Variants in CWH43 observed in about 807,000 individuals in gnomAD.
CWH43 encodes cell wall biogenesis 43 C-terminal homolog.
In CWH43, 91 loss-of-function variants were observed where a neutral mutation model predicts 85.7. The observed-to-expected ratio is 1.06, with a 90% CI of 0.90 to 1.26. The LOEUF (loss-of-function observed/expected upper bound fraction) is 1.26. Among genes scored for constraint, CWH43 ranks in the 50% most tolerant of loss-of-function variants. The pLI is 0.00. For missense variants in CWH43, 869 were observed against 839.2 expected (o/e 1.04, Z -0.44); for synonymous variants, 323 against 293.6 (o/e 1.10, Z -1.02).
chr4:49,041,293 A>C (rs1362721719), intron 13 of CWH43, among the ~76,000 whole-genome samples: 1 of 152,216 alleles, frequency 6.6e-6, no homozygotes, highest in African/African-American at 2.4e-5. Flanking sequence ...AGTCATTGGT[A>C]GCCTGATGGG....
rs1380458170 is a variant in CWH43, at chr4:49,050,740, A to G, written c.1912A>G (p.Ile638Val). Reference protein sequence around the residue: ...ISHAELSDSEIQMAKFRIPDD... With the variant: ...ISHAELSDSEVQMAKFRIPDD... Reference sequence around the variant, plus strand: ...CCATGCTGAACTGAGTGATTCAGAAATTCAGATGGCAAAATTTAGGATCCC... The same window carrying G: ...CCATGCTGAACTGAGTGATTCAGAAGTTCAGATGGCAAAATTTAGGATCCC... The change falls in exon 15 of 16, where the codon ATT becomes GTT. Residue 638 changes from isoleucine to valine, a missense_variant. This residue lies in a region of CWH43 where 577 missense variants were observed against 513.1 expected (regional missense o/e 1.12). Transcript: ENST00000226432. 2 of 1,613,310 alleles carry G rather than the reference A, an allele frequency of 1.2e-6. No homozygotes were observed. Among genetic ancestry groups the G allele is most frequent in the African/African-American group, 2.7e-5 (2 of 75,024 alleles).
rs115091742 is a variant in CWH43, at chr4:49,022,870, A to G, written c.1266+5542A>G. 6.4e-3 allele frequency among the ~76,000 whole-genome samples: 980 copies of G among 152,024 alleles called. 13 individuals are homozygous for G. The highest frequency in any genetic ancestry group is 0.022 in the African/African-American group (930 of 41,472). ...ATGGTAGCATTGAATGATCTTTTGC[A>G]TTTCTGTGGTATCCGTTGTAGTATT... On this transcript the variant is annotated intron_variant, in intron 9 of 15. Transcript: ENST00000226432.
chr4:49,037,331 G>A (rs1483806430), intron 12 of CWH43, among the ~76,000 whole-genome samples: 1 of 152,182 alleles, frequency 6.6e-6, no homozygotes, highest in Non-Finnish European at 1.5e-5. Context: ...AGCACTTTGG[G>A]AAACAAGGTG....
intron 6 of CWH43, among the ~76,000 whole-genome samples, chr4:48,998,780 C>T (rs1394811407): frequency 2.0e-5 from 3 of 152,144 alleles, no homozygotes; most frequent in Non-Finnish European, 4.4e-5. Flanking sequence ...TGTGGCTGTG[C>T]TGCTTTCCTG....
intron 7 of CWH43, among the ~76,000 whole-genome samples, chr4:49,004,413 T>C (rs1243517826): frequency 6.6e-6 from 1 of 152,214 alleles, no homozygotes; most frequent in Non-Finnish European, 1.5e-5. Flanking sequence ...TATTTATGAA[T>C]GTTTTTTGAG....
chr4:49,015,341 G>A (rs1009818876), intron 8 of CWH43, among the ~76,000 whole-genome samples: 10 of 150,040 alleles, frequency 6.7e-5, no homozygotes, highest in Non-Finnish European at 1.2e-4. Context: ...TATTCTTTTA[G>A]TAGTTGGTTG....
intron 6 of CWH43, 28 bp from the exon 7 acceptor site, chr4:49,003,707 G>A (rs752844300): frequency 1.2e-6 from 2 of 1,612,410 alleles, no homozygotes; most frequent in Non-Finnish European, 1.7e-6. Context: ...CTGCTTTCCT[G>A]TCTGATTCTT....
intron 8 of CWH43, among the ~76,000 whole-genome samples, chr4:49,011,286 C>G (rs1321719453): frequency 5.3e-5 from 8 of 152,072 alleles, no homozygotes; most frequent in Non-Finnish European, 1.0e-4. Flanking sequence ...GTATCAGAGA[C>G]TAGGATTGCA....
rs371629231 is a variant in CWH43 at position 49,061,443 on chromosome 4, G to A, written c.2022-369G>A. On this transcript the variant is annotated intron_variant, in intron 15 of 15. Coordinates refer to ENST00000226432, the MANE Select transcript of CWH43 (RefSeq NM_025087.3). ...AATCTGCAGCACATTAACACATGTA[G>A]ACAATTTAGAAGTTCTGCCAAAATA... is the stretch of plus-strand genomic sequence containing the variant. Among the ~76,000 whole-genome samples, 51 of 152,302 alleles carry A rather than the reference G, an allele frequency of 3.3e-4. 1 individual carries two copies. The South Asian group carries it at 1.0e-2, about 30-fold the overall frequency.
intron 7 of CWH43, among the ~76,000 whole-genome samples, chr4:49,006,826 A>G (rs1308637589): frequency 6.6e-6 from 1 of 152,162 alleles, no homozygotes; most frequent in East Asian, 1.9e-4. Context: ...GTGATCCTCA[A>G]CCTGGTGCAC....
intron 9 of CWH43, among the ~76,000 whole-genome samples, chr4:49,022,232 G>T (rs924261219): frequency 2.0e-5 from 3 of 152,014 alleles, no homozygotes; most frequent in Non-Finnish European, 4.4e-5. Context: ...TTTCTATGCC[G>T]ATTTTGCTGA....
At chr4:49,047,397 A>G (rs1784655788) in intron 14 of CWH43, among the ~76,000 whole-genome samples, 2 of 152,170 alleles carry the variant, frequency 1.3e-5, no homozygotes, top group Non-Finnish European at 2.9e-5. Context: ...CATGATAAAT[A>G]ATTGCAGGAT....
chr4:49,022,255 T>C (rs935794008), intron 9 of CWH43, among the ~76,000 whole-genome samples: 7 of 152,188 alleles, frequency 4.6e-5, no homozygotes, highest in African/African-American at 1.7e-4. Context: ...GTTTTAATCA[T>C]AAAGCGACGC....
intron 12 of CWH43, among the ~76,000 whole-genome samples, chr4:49,034,048 A>G (rs554674436): frequency 6.6e-6 from 1 of 152,346 alleles, no homozygotes; most frequent in African/African-American, 2.4e-5. Context: ...ATCATAAATA[A>G]TATAAATAAA....
chr4:48,991,577 A>C lies in CWH43; in HGVS notation c.356+3A>C. 1.2e-6 allele frequency: 2 copies of C among 1,613,860 alleles called. No homozygotes were observed. Among genetic ancestry groups the C allele is most frequent in the Non-Finnish European group, 1.7e-6 (2 of 1,179,870 alleles). On this transcript the variant is annotated splice_donor_region_variant and intron_variant, in intron 3 of 15. Coordinates refer to ENST00000226432, the MANE Select transcript of CWH43 (RefSeq NM_025087.3). ...TGGTCAGGAAGTCATTTGCAAAGGT[A>C]TGGTTAATGTTTCATGTACTTATAG... is the stretch of plus-strand genomic sequence containing the variant.
At position 49,007,271 on chromosome 4, in the gene CWH43, A is replaced by T; in HGVS notation, c.1131A>T (p.Gln377His). 2 of 1,612,226 alleles carry T rather than the reference A, an allele frequency of 1.2e-6. No individual in the cohort carries two copies. The highest frequency in any genetic ancestry group is 1.7e-6 in the Non-Finnish European group (2 of 1,179,118). Residue 377 changes from glutamine (Q) to histidine (H), a missense_variant, in exon 8 of 16, where the codon CAA becomes CAT. Gln to His is a conservative substitution (Grantham distance 24). Transcript: ENST00000226432. ...AGAAAAACCTTGACTTGCTTCTTCA[A>T]ACAAAAAACAGTTCTAAAGTGCTTT... Reference protein sequence around the residue: ...GPKKNLDLLLQTKNSSKVLFR... With the variant: ...GPKKNLDLLLHTKNSSKVLFR...
At chr4:49,036,188 A>G (rs1221772545) in intron 12 of CWH43, among the ~76,000 whole-genome samples, 1 of 152,160 alleles carries the variant, frequency 6.6e-6, no homozygotes, top group Non-Finnish European at 1.5e-5. Flanking sequence ...TCTTCTCCCA[A>G]CGTTTAATCT....
At chr4:49,034,687 G>T (rs1231857068) in intron 12 of CWH43, among the ~76,000 whole-genome samples, 2 of 152,136 alleles carry the variant, frequency 1.3e-5, no homozygotes, top group Non-Finnish European at 2.9e-5. Flanking sequence ...TGGGATTCCA[G>T]AACCTGGAAT....
intron 2 of CWH43, among the ~76,000 whole-genome samples, chr4:48,989,002 G>A (rs759739405): frequency 1.3e-5 from 2 of 152,116 alleles, no homozygotes; most frequent in Admixed American, 6.5e-5. Flanking sequence ...AAAAAAGTTT[G>A]TTAAATAATA....
Sources: gnomAD v4.1 joint callset for allele counts (sites outside exome capture counted in the v4.1 genomes callset) on GRCh38, gnomAD v4.1.1 for gene constraint, gnomAD v4.1.1 regional missense constraint, MANE v1.5 for transcripts, NCBI Gene and HGNC (gene_info 2026-07-23, HGNC 2026-07-21) for gene names.